The following BAZ2B variants were observed in gnomAD, a reference collection of about 807,000 sequenced individuals.
BAZ2B encodes the protein bromodomain adjacent to zinc finger domain protein 2B.
A neutral mutation model predicts 246.0 loss-of-function variants in BAZ2B; 91 were observed. The ratio of observed to expected loss-of-function variants is 0.37; its 90% confidence interval spans 0.31 to 0.44. The LOEUF (loss-of-function observed/expected upper bound fraction) is 0.44. BAZ2B is among the 20% of genes least tolerant of loss of function. The probability of loss-of-function intolerance (pLI) is 1.00; values close to 1 mark genes in which losing one functional copy is unlikely to be tolerated. For synonymous variants in BAZ2B, 855 were observed against 860.0 expected, an observed-to-expected ratio of 0.99 and a Z score of 0.10; for missense variants, 2,332 against 2,533.7, an observed-to-expected ratio of 0.92 and a Z score of 1.71.
chr2:159,339,968 T>C (rs771077521), intron 31 of BAZ2B, among the ~76,000 whole-genome samples: 4 of 151,952 alleles, frequency 2.6e-5, no homozygotes, highest in Non-Finnish European at 5.9e-5. Context: ...TGGGTACAAA[T>C]ATATGGTTTG....
At chr2:159,429,666 C>T (rs574438473) in intron 10 of BAZ2B, among the ~76,000 whole-genome samples, 1 of 152,062 alleles carries the variant, frequency 6.6e-6, no homozygotes, top group South Asian at 2.1e-4. Flanking sequence ...TATTTAAAGA[C>T]GATTTAATTT....
Position 159,414,543 on chromosome 2 carries a change from G to A in BAZ2B, c.2467-1998C>T, listed in dbSNP as rs958806613. Among the ~76,000 whole-genome samples, 16 of 152,036 alleles carry A rather than the reference G, an allele frequency of 1.1e-4. No individual in the cohort carries two copies. The Middle Eastern group carries it at 0.01, about 97-fold the overall frequency. On this transcript the variant is annotated intron_variant, in intron 13 of 36. Transcript: ENST00000392783. ...ATCAAAATATCTCATGTGGCCGGGC[G>A]CGGTGGCCCACGCCTGTAATCTCAG...
chr2:159,532,156 T>A (rs1335457191), intron 2 of BAZ2B, among the ~76,000 whole-genome samples: 2 of 152,196 alleles, frequency 1.3e-5, no homozygotes, highest in Non-Finnish European at 2.9e-5. Context: ...GAAATATTGA[T>A]AACATTTCTA....
At chr2:159,363,161 C>A (rs2059893251) in intron 27 of BAZ2B, among the ~76,000 whole-genome samples, 1 of 152,160 alleles carries the variant, frequency 6.6e-6, no homozygotes, top group African/African-American at 2.4e-5. Context: ...AATGAGCAGT[C>A]TGGGTTGACT....
In BAZ2B at chr2:159,563,696, T is replaced by C. The variant is rs567979773; in HGVS notation, c.-45-7831A>G. ...AGGAGGAGTGGAAGTTCTTATTTAA[T>C]GGGTACAGAGTTTCGGATTTGGAAG... On this transcript the variant is annotated intron_variant, in intron 1 of 36. Transcript: ENST00000392783. Among the ~76,000 whole-genome samples, 6 of 152,230 alleles carry C rather than the reference T, an allele frequency of 3.9e-5. No homozygotes were observed. The East Asian group carries it at 9.6e-4, about 24-fold the overall frequency.
chr2:159,704,482 C>CTTTTTTTTTTTTT, the BAZ2B span, among the ~76,000 whole-genome samples: 1 of 117,014 alleles, frequency 8.5e-6, no homozygotes, highest in African/African-American at 3.2e-5. Context: ...CTTTCTTTTT[C>CTTTTTTTTTTTTT]TTTTTTTTTT....
intron 2 of BAZ2B, among the ~76,000 whole-genome samples, chr2:159,532,612 T>C (rs974807835): frequency 6.6e-6 from 1 of 152,200 alleles, no homozygotes; most frequent in Non-Finnish European, 1.5e-5. Context: ...TTAAGTTTAC[T>C]TGCATCTCTG....
intron 3 of BAZ2B, chr2:159,462,261 T>G: frequency 1.7e-6 from 1 of 594,336 alleles, no homozygotes; most frequent in Non-Finnish European, 3.0e-6. Context: ...CAGTATTCCA[T>G]GAGGTTAGAA....
chr2:159,646,489 A>G, the BAZ2B span, among the ~76,000 whole-genome samples: 1 of 152,234 alleles, frequency 6.6e-6, no homozygotes, highest in Admixed American at 6.5e-5. Flanking sequence ...AAGAGATTAA[A>G]ATAAAGACAG....
intron 4 of BAZ2B, among the ~76,000 whole-genome samples, chr2:159,452,820 C>G (rs1396312987): frequency 6.6e-6 from 1 of 152,190 alleles, no homozygotes; most frequent in Admixed American, 6.5e-5. Flanking sequence ...GAAAAATAGG[C>G]TGGGCACAGT....
chr2:159,353,292 T>G (rs543116141), intron 27 of BAZ2B, among the ~76,000 whole-genome samples: 6 of 152,364 alleles, frequency 3.9e-5, no homozygotes, highest in Admixed American at 2.6e-4. Context: ...GATTACCTTC[T>G]TGTATGAAAC....
chr2:159,617,472 ATT>A (rs78643237), upstream of BAZ2B, among the ~76,000 whole-genome samples: 4 of 147,912 alleles, frequency 2.7e-5, no homozygotes, highest in Admixed American at 6.7e-5. Context: ...GAAGATACGT[ATT>A]TTTTTTTTTA....
intron 3 of BAZ2B, among the ~76,000 whole-genome samples, chr2:159,455,763 GTTTTTTTTT>G (rs60866580): frequency 7.7e-5 from 5 of 64,628 alleles, no homozygotes; most frequent in East Asian, 1.1e-3. Flanking sequence ...AAATATTGTG[GTTTTTTTTT>G]TTTTTTTTTT....
chr2:159,695,352 G>A, the BAZ2B span: 1 of 150,860 alleles, frequency 6.6e-6, no homozygotes, highest in Non-Finnish European at 1.5e-5. Flanking sequence ...AAAGGTTTTT[G>A]TTTGTTTTAC....
intron 2 of BAZ2B, among the ~76,000 whole-genome samples, chr2:159,492,244 T>C (rs1024901776): frequency 7.2e-5 from 11 of 152,170 alleles, no homozygotes; most frequent in African/African-American, 2.7e-4. Context: ...AAATCCTTCC[T>C]ATGCTTTAAA....
intron 30 of BAZ2B, 118 bp from the exon 31 acceptor site, chr2:159,347,764 C>G: frequency 1.2e-6 from 1 of 809,758 alleles, no homozygotes; most frequent in Non-Finnish European, 1.9e-6. Flanking sequence ...TTGACATACA[C>G]AAATGCACTT....
At chr2:159,342,460 A>G (rs1420540223) in intron 31 of BAZ2B, among the ~76,000 whole-genome samples, 3 of 152,064 alleles carry the variant, frequency 2.0e-5, no homozygotes, top group Non-Finnish European at 4.4e-5. Context: ...TAATTTTTGT[A>G]TTTTTTGTAG....
intron 8 of BAZ2B, among the ~76,000 whole-genome samples, chr2:159,435,875 G>A (rs2072189665): frequency 6.6e-6 from 1 of 152,196 alleles, no homozygotes; most frequent in Non-Finnish European, 1.5e-5. Flanking sequence ...CATCTATACT[G>A]TATTAGTTTA....
chr2:159,654,858 G>A, the BAZ2B span, among the ~76,000 whole-genome samples: 1 of 152,128 alleles, frequency 6.6e-6, no homozygotes, highest in Non-Finnish European at 1.5e-5. Context: ...TTGGGAGGCT[G>A]AGGCAGGAGA....
Sources: allele counts gnomAD v4.1 joint callset (sites outside exome capture counted in the v4.1 genomes callset), GRCh38; gene constraint gnomAD v4.1.1; transcripts MANE v1.5; gene names NCBI Gene and HGNC (gene_info 2026-07-23, HGNC 2026-07-21).